The following PLCB1 variants were observed in gnomAD, a reference collection of about 807,000 sequenced individuals.
PLCB1 encodes the protein 1-phosphatidylinositol 4,5-bisphosphate phosphodiesterase beta-1.
A neutral mutation model predicts 161.8 loss-of-function variants in PLCB1; 46 were observed. The ratio of observed to expected loss-of-function variants is 0.28; its 90% CI spans 0.22 to 0.36. The LOEUF (loss-of-function observed/expected upper bound fraction) is 0.36, where lower values mean the gene tolerates loss of function less well. PLCB1 is among the 10% of genes least tolerant of loss of function. The pLI is 1.00. For synonymous variants in PLCB1, 517 were observed against 503.7 expected, an observed-to-expected ratio of 1.03 and a Z score of -0.35; for missense variants, 1,016 against 1,472.5, an observed-to-expected ratio of 0.69 and a Z score of 5.07.
intron 27 of PLCB1, among the ~76,000 whole-genome samples, chr20:8,784,472 A>G (rs994894407): frequency 6.6e-6 from 1 of 152,004 alleles, no homozygotes; most frequent in African/African-American, 2.4e-5. Context: ...CTGAGGCACT[A>G]CAATCCCTTG....
intron 3 of PLCB1, among the ~76,000 whole-genome samples, chr20:8,385,522 C>T (rs554150942): frequency 1.2e-4 from 18 of 152,314 alleles, no homozygotes; most frequent in South Asian, 4.1e-4. Context: ...AGACAGCAGG[C>T]AGCCACAGCT....
chr20:8,435,776 C>A lies in PLCB1; in HGVS notation c.246+64326C>A, dbSNP rs111425860. 4.5e-3 allele frequency among the ~76,000 whole-genome samples: 691 copies of A among 152,190 alleles called. 8 individuals carry two copies. The highest frequency in any genetic ancestry group is 0.015 in the African/African-American group (634 of 41,536). On this transcript the variant is annotated intron_variant, in intron 3 of 31. Coordinates refer to ENST00000338037, the MANE Select transcript of PLCB1 (RefSeq NM_015192.4). The stretch of plus-strand genomic sequence containing the variant: ...ACATTGACAGGAGAGTGGGTTTAGA[C>A]GTTAATATCCCATTTCCGTTACCAG...
At chr20:8,841,337 C>G (rs1029724239) in intron 31 of PLCB1, among the ~76,000 whole-genome samples, 1 of 152,178 alleles carries the variant, frequency 6.6e-6, no homozygotes, top group Non-Finnish European at 1.5e-5. Context: ...CTCTTTGTCA[C>G]TGTTACCATA....
intron 3 of PLCB1, among the ~76,000 whole-genome samples, chr20:8,429,186 G>A (rs1979925683): frequency 6.6e-6 from 1 of 152,166 alleles, no homozygotes; most frequent in Non-Finnish European, 1.5e-5. Flanking sequence ...AGCATTTTAG[G>A]TGTTAACCAC....
intron 2 of PLCB1, among the ~76,000 whole-genome samples, chr20:8,163,528 G>T (rs199789664): frequency 6.6e-6 from 1 of 152,130 alleles, no homozygotes; most frequent in Non-Finnish European, 1.5e-5. Context: ...AATCTATATC[G>T]CAGTGTGCAA....
Position 8,740,360 on chromosome 20 carries a change from T to C in PLCB1, c.2325T>C (p.Cys775=). 2 of 1,601,184 alleles carry C rather than the reference T, an allele frequency of 1.2e-6. No individual in the cohort carries two copies. The highest frequency in any genetic ancestry group is 1.7e-6 in the Non-Finnish European group (2 of 1,170,928). The change falls in exon 22 of 32, where the codon TGT becomes TGC. Residue 775 remains cysteine, a synonymous_variant. Coordinates refer to ENST00000338037, the MANE Select transcript of PLCB1 (RefSeq NM_015192.4). The part of the protein sequence containing the change: ...QAIRPGYHYI[C]LRNERNQPLT... ...ACCTTCCAGGCTATCACTATATCTG[T>C]CTAAGGAATGAAAGGAACCAGCCTC...
At chr20:8,523,881 C>A (rs1315458972) in intron 3 of PLCB1, among the ~76,000 whole-genome samples, 1 of 151,938 alleles carries the variant, frequency 6.6e-6, no homozygotes, top group South Asian at 2.1e-4. Flanking sequence ...ATGCAGAAAC[C>A]ATGCCACCCA....
chr20:8,444,985 A>C (rs1980753986), intron 3 of PLCB1, among the ~76,000 whole-genome samples: 1 of 151,702 alleles, frequency 6.6e-6, no homozygotes, highest in Non-Finnish European at 1.5e-5. Context: ...ATTTTCTCCC[A>C]TTCTGTAGGT....
At chr20:8,628,266 CTAAT>C in intron 3 of PLCB1, 24 bp from the exon 4 acceptor site, 1 of 1,562,500 alleles carries the variant, frequency 6.4e-7, no homozygotes, top group Non-Finnish European at 8.8e-7. Flanking sequence ...TAGTTATAGA[CTAAT>C]TATTTTCAAT....
chr20:8,675,399 A>C (rs1990050618), intron 9 of PLCB1, among the ~76,000 whole-genome samples: 1 of 152,176 alleles, frequency 6.6e-6, no homozygotes, highest in African/African-American at 2.4e-5. Context: ...CAGATCATCC[A>C]TATGGTGCCA....
intron 1 of PLCB1, among the ~76,000 whole-genome samples, chr20:8,147,265 G>T (rs1174064666): frequency 6.6e-6 from 1 of 152,182 alleles, no homozygotes; most frequent in Non-Finnish European, 1.5e-5. Context: ...ATCTCTCAGT[G>T]AACTTGATGC....
intron 3 of PLCB1, among the ~76,000 whole-genome samples, chr20:8,587,168 A>G (rs992401989): frequency 2.2e-5 from 3 of 134,772 alleles, no homozygotes; most frequent in African/African-American, 8.9e-5. Flanking sequence ...CGCCAGCACT[A>G]TCAATTAAAA....
At chr20:8,137,621 A>C (rs761928546) in intron 1 of PLCB1, among the ~76,000 whole-genome samples, 1 of 152,340 alleles carries the variant, frequency 6.6e-6, no homozygotes, top group East Asian at 1.9e-4. Context: ...TCAGTGTAAC[A>C]TGCGTACAAC....
intron 3 of PLCB1, among the ~76,000 whole-genome samples, chr20:8,398,790 C>T (rs1457848437): frequency 6.6e-6 from 1 of 151,236 alleles, no homozygotes; most frequent in Non-Finnish European, 1.5e-5. Context: ...TCTGGTATTT[C>T]GTCCTTTTTT....
chr20:8,210,299 G>A (rs754242130), intron 2 of PLCB1, among the ~76,000 whole-genome samples: 2 of 151,972 alleles, frequency 1.3e-5, no homozygotes, highest in Non-Finnish European at 2.9e-5. Context: ...AAATAAATGG[G>A]TGGTAATGGA....
intron 31 of PLCB1, among the ~76,000 whole-genome samples, chr20:8,839,821 A>G (rs1600372814): frequency 6.6e-6 from 1 of 151,652 alleles, no homozygotes; most frequent in African/African-American, 2.4e-5. Flanking sequence ...ACCTCAGGTC[A>G]GGAGTTTGAG....
At chr20:8,197,027 T>C (rs1402762245) in intron 2 of PLCB1, among the ~76,000 whole-genome samples, 1 of 152,258 alleles carries the variant, frequency 6.6e-6, no homozygotes, top group South Asian at 2.1e-4. Context: ...CATAGTATTC[T>C]ATGGTGTATA....
chr20:8,418,535 T>C (rs1412751714), intron 3 of PLCB1, among the ~76,000 whole-genome samples: 1 of 151,996 alleles, frequency 6.6e-6, no homozygotes, highest in Admixed American at 6.5e-5. Context: ...ACTGATGGAG[T>C]ACCTTCTAAA....
At chr20:8,660,478 A>G (rs545771679) in intron 9 of PLCB1, among the ~76,000 whole-genome samples, 1 of 152,174 alleles carries the variant, frequency 6.6e-6, no homozygotes, top group Non-Finnish European at 1.5e-5. Flanking sequence ...GAAGCACTCC[A>G]AAGTGTAAGC....
Sources: allele counts gnomAD v4.1 joint callset (sites outside exome capture counted in the v4.1 genomes callset), GRCh38; gene constraint gnomAD v4.1.1; transcripts MANE v1.5; gene names NCBI Gene and HGNC (gene_info 2026-07-23, HGNC 2026-07-21).